C1orf21: variants seen among roughly 807,000 people sequenced by gnomAD.
C1orf21 encodes uncharacterized protein C1orf21.
C1orf21 carries 3 observed loss-of-function variants against 18.7 expected under a neutral mutation model. The ratio of observed to expected loss-of-function variants is 0.16; its 90% CI spans 0.07 to 0.42. The LOEUF is 0.42. Ranked by LOEUF, C1orf21 falls within the 10% of genes least tolerant of loss-of-function variation. The pLI is 0.99. For missense variants in C1orf21, 104 were observed against 143.6 expected, an observed-to-expected ratio of 0.72 and a Z score of 1.41; for synonymous variants, 41 against 46.4, an observed-to-expected ratio of 0.88 and a Z score of 0.47.
intron 1 of C1orf21, among the ~76,000 whole-genome samples, chr1:184,434,335 G>T (rs941794727): frequency 6.6e-6 from 1 of 152,046 alleles, no homozygotes; most frequent in African/African-American, 2.4e-5. Flanking sequence ...TCAGGTAGGG[G>T]CTATTATCTC....
chr1:184,484,176 G>A (rs946727535), intron 2 of C1orf21, among the ~76,000 whole-genome samples: 3 of 152,040 alleles, frequency 2.0e-5, no homozygotes, highest in East Asian at 3.9e-4. Context: ...TGATCCACCC[G>A]CCTTGGCCTC....
At chr1:184,390,775 G>T (rs1571336762) in intron 1 of C1orf21, among the ~76,000 whole-genome samples, 1 of 152,006 alleles carries the variant, frequency 6.6e-6, no homozygotes, top group Admixed American at 6.6e-5. Context: ...TACATCTTTG[G>T]CCACTTTATG....
At chr1:184,557,312 C>A (rs551659058) in intron 3 of C1orf21, among the ~76,000 whole-genome samples, 12 of 151,992 alleles carry the variant, frequency 7.9e-5, no homozygotes, top group Non-Finnish European at 1.6e-4. Context: ...TGGATAAGTT[C>A]TTTAGTGGTG....
intron 3 of C1orf21, among the ~76,000 whole-genome samples, chr1:184,519,281 T>G (rs1658272725): frequency 6.6e-6 from 1 of 152,162 alleles, no homozygotes; most frequent in Non-Finnish European, 1.5e-5. Flanking sequence ...TCCTGTCCAG[T>G]AAAGGATAGC....
intron 1 of C1orf21, among the ~76,000 whole-genome samples, chr1:184,418,142 G>T (rs1478489772): frequency 3.3e-5 from 5 of 150,360 alleles, no homozygotes; most frequent in Non-Finnish European, 7.4e-5. Context: ...TGTCTCCTTT[G>T]TGGCCTGTCA....
At chr1:184,537,749 C>G (rs1043627213) in intron 3 of C1orf21, among the ~76,000 whole-genome samples, 1 of 152,152 alleles carries the variant, frequency 6.6e-6, no homozygotes, top group Non-Finnish European at 1.5e-5. Context: ...CTCCCGGGTT[C>G]AAGCTACTCT....
chr1:184,579,062 CAG>C (rs1659235841), intron 3 of C1orf21, among the ~76,000 whole-genome samples: 1 of 144,548 alleles, frequency 6.9e-6, no homozygotes, highest in Non-Finnish European at 1.5e-5. Flanking sequence ...TTTTTTGAGA[CAG>C]AGTCACTCCA....
intron 3 of C1orf21, among the ~76,000 whole-genome samples, chr1:184,582,473 C>T (rs1411473649): frequency 1.3e-5 from 2 of 152,234 alleles, no homozygotes; most frequent in Non-Finnish European, 2.9e-5. Flanking sequence ...TATGTCTCCT[C>T]TCTGTGTAGG....
chr1:184,470,608 G>A (rs975675770), intron 1 of C1orf21, among the ~76,000 whole-genome samples: 10 of 152,208 alleles, frequency 6.6e-5, no homozygotes, highest in African/African-American at 2.2e-4. Flanking sequence ...GCCAGGTGTG[G>A]CGGCTCACGC....
chr1:184,429,454 G>A (rs1656696549), intron 1 of C1orf21, among the ~76,000 whole-genome samples: 2 of 152,182 alleles, frequency 1.3e-5, no homozygotes, highest in Admixed American at 6.5e-5. Flanking sequence ...TTCTGTGATT[G>A]TATGATTCTA....
At chr1:184,520,988 G>A (rs1658298759) in intron 3 of C1orf21, among the ~76,000 whole-genome samples, 1 of 152,126 alleles carries the variant, frequency 6.6e-6, no homozygotes, top group African/African-American at 2.4e-5. Context: ...CCGCCTCCCG[G>A]GTTCAAATGA....
intron 5 of C1orf21, among the ~76,000 whole-genome samples, chr1:184,610,612 C>T (rs1191607425): frequency 6.6e-6 from 1 of 152,016 alleles, no homozygotes; most frequent in African/African-American, 2.4e-5. Context: ...TTTGGGAGGC[C>T]GAGGCAGGCG....
chr1:184,608,896 C>A (rs1349112574), intron 5 of C1orf21, among the ~76,000 whole-genome samples: 1 of 152,212 alleles, frequency 6.6e-6, no homozygotes, highest in African/African-American at 2.4e-5. Flanking sequence ...GATGCCCACT[C>A]CTTACTGCGC....
At position 184,555,285 on chromosome 1, in the gene C1orf21, G is replaced by A. The variant is rs1658862351; in HGVS notation, c.190-35454G>A. Among the ~76,000 whole-genome samples the A allele has an allele frequency of 4.6e-5, 7 of 152,226 alleles. No homozygotes were observed. The South Asian group carries it at 1.5e-3, about 32-fold the overall frequency. On this transcript the variant is annotated intron_variant, in intron 3 of 5. Coordinates refer to ENST00000235307, the MANE Select transcript of C1orf21 (RefSeq NM_030806.4). ...ATTTTGAGGTCCCTAAGTTATTCCT[G>A]GGAAATCTCAGGGACTGGCATCTTC...
In C1orf21 at chr1:184,507,702, C is replaced by A. The variant is rs781323780; in HGVS notation, c.189+20C>A. The stretch of plus-strand genomic sequence containing the variant: ...AACTTGGTAAGAATTGATTTTCTCA[C>A]TTAACAATGAATTTTGGTGACACTA... On this transcript the variant is annotated intron_variant, in intron 3 of 5. Transcript: ENST00000235307. 1.3e-6 allele frequency: 2 copies of A among 1,560,400 alleles called. No individual in the cohort carries two copies. Among genetic ancestry groups the A allele is most frequent in the Admixed American group, 2.1e-5 (1 of 47,544 alleles).
intron 1 of C1orf21, among the ~76,000 whole-genome samples, chr1:184,411,069 T>C (rs1656346062): frequency 6.6e-6 from 1 of 152,090 alleles, no homozygotes; most frequent in African/African-American, 2.4e-5. Context: ...GAAAATGCCT[T>C]ACTGCTAATT....
At chr1:184,505,566 C>T (rs189358908) in intron 2 of C1orf21, among the ~76,000 whole-genome samples, 1 of 151,628 alleles carries the variant, frequency 6.6e-6, no homozygotes, top group African/African-American at 2.4e-5. Flanking sequence ...AGTTCGAGAC[C>T]ACCCTGGCCA....
rs532446330 is a variant in C1orf21, at chr1:184,531,883, T to A, written c.189+24201T>A. 2.6e-5 allele frequency among the ~76,000 whole-genome samples: 4 copies of A among 152,304 alleles called. No homozygotes were observed. In the South Asian group the frequency reaches 6.2e-4, roughly 24 times the overall value. ...ACATTTTTATCTTGGCCCGACCACA[T>A]GGTTACTCCCAATGTTTATCTCTTA... On this transcript the variant is annotated intron_variant, in intron 3 of 5. Transcript: ENST00000235307.
chr1:184,469,167 T>A (rs1657453460), intron 1 of C1orf21, among the ~76,000 whole-genome samples: 1 of 152,038 alleles, frequency 6.6e-6, no homozygotes, highest in Admixed American at 6.6e-5. Context: ...CGAGAATTGC[T>A]TGAACCCAGG....
Sources: allele counts gnomAD v4.1 joint callset (sites outside exome capture counted in the v4.1 genomes callset), GRCh38; gene constraint gnomAD v4.1.1; transcripts MANE v1.5; gene names NCBI Gene and HGNC (gene_info 2026-07-23, HGNC 2026-07-21).